Variants in ZNF568 observed in about 807,000 individuals in gnomAD.
ZNF568 encodes the protein zinc finger protein 568.
Under a neutral mutation model 18.1 loss-of-function variants are expected in ZNF568, and 11 were observed. The ratio of observed to expected loss-of-function variants is 0.61; its 90% CI spans 0.38 to 1.00. ZNF568 has a LOEUF of 1.00. Among genes scored for constraint, ZNF568 ranks in the 50% least tolerant of loss-of-function variants. The probability of loss-of-function intolerance (pLI) is 0.01; values close to 1 mark genes in which losing one functional copy is unlikely to be tolerated. For synonymous variants in ZNF568, 213 were observed against 246.6 expected (o/e 0.86, Z 1.28); for missense variants, 639 against 768.2 (o/e 0.83, Z 1.99).
At chr19:36,991,327 C>T in intron 3 of ZNF568, 2 of 1,501,354 alleles carry the variant, frequency 1.3e-6, no homozygotes, top group Non-Finnish European at 1.8e-6. Context: ...TCCGTACACC[C>T]CCTGCCCCGC....
chr19:36,925,490 C>G (rs1258269218), intron 4 of ZNF568, among the ~76,000 whole-genome samples: 1 of 152,054 alleles, frequency 6.6e-6, no homozygotes, highest in African/African-American at 2.4e-5. Context: ...ACAGTCAAAG[C>G]AAACTGGGAC....
intron 6 of ZNF568, among the ~76,000 whole-genome samples, chr19:36,946,980 A>C (rs2073977392): frequency 6.6e-6 from 1 of 150,548 alleles, no homozygotes; most frequent in Non-Finnish European, 1.5e-5. Context: ...ATACTGTAGA[A>C]TGGTTGGATC....
intron 6 of ZNF568, among the ~76,000 whole-genome samples, chr19:36,948,395 G>A (rs1455486579): frequency 9.2e-5 from 14 of 152,158 alleles, no homozygotes; most frequent in Admixed American, 9.2e-4. Context: ...TCCAAGTGTT[G>A]GCAATTAGGA....
At chr19:36,981,187 C>T (rs960358586), downstream of ZNF568, among the ~76,000 whole-genome samples, 8 of 152,112 alleles carry the variant, frequency 5.3e-5, no homozygotes, top group African/African-American at 1.2e-4. Flanking sequence ...CTAATCTGTC[C>T]GTCCGTTTGT....
At chr19:36,947,078 C>T (rs751374623) in intron 6 of ZNF568, among the ~76,000 whole-genome samples, 15 of 151,624 alleles carry the variant, frequency 9.9e-5, no homozygotes, top group Non-Finnish European at 1.6e-4. Context: ...TGCAGCGGCA[C>T]GATCTCGGCT....
At chr19:36,979,306 T>TA (rs1253897757) in exon 8 of ZNF568, 1 of 158,028 alleles carries the variant, frequency 6.3e-6, no homozygotes, top group Admixed American at 6.3e-5. Flanking sequence ...TTAAAACTGC[T>TA]TTTTATTAAA....
chr19:36,965,514 G>A (rs759938161), intron 6 of ZNF568, among the ~76,000 whole-genome samples: 4 of 152,022 alleles, frequency 2.6e-5, no homozygotes, highest in Admixed American at 2.0e-4. Flanking sequence ...ATAGAAGGCC[G>A]AATACACTGG....
chr19:36,936,970 T>A (rs2073800789), intron 5 of ZNF568, 98 bp downstream of exon 5: 1 of 1,490,080 alleles, frequency 6.7e-7, no homozygotes, highest in Admixed American at 1.8e-5. Flanking sequence ...TAGCCTTTCC[T>A]TTCTCCATGT....
At chr19:36,971,642 G>T (rs879355095) in intron 6 of ZNF568, among the ~76,000 whole-genome samples, 5 of 151,812 alleles carry the variant, frequency 3.3e-5, no homozygotes, top group Non-Finnish European at 7.4e-5. Context: ...TCGCTCTATC[G>T]CCAGGCTGGA....
chr19:36,932,889 TTGATTA>T (rs1329407882), intron 4 of ZNF568, among the ~76,000 whole-genome samples: 1 of 152,210 alleles, frequency 6.6e-6, no homozygotes, highest in Non-Finnish European at 1.5e-5. Context: ...GGTTTGTCTT[TTGATTA>T]TTGAACTTTT....
At chr19:36,966,221 G>A (rs895746697) in intron 6 of ZNF568, among the ~76,000 whole-genome samples, 3 of 152,084 alleles carry the variant, frequency 2.0e-5, no homozygotes, top group Non-Finnish European at 4.4e-5. Flanking sequence ...GGGAGGTGGA[G>A]GTTGCGGTGA....
At chr19:36,972,818 C>T (rs57080651) in intron 6 of ZNF568, among the ~76,000 whole-genome samples, 2,000 of 152,326 alleles carry the variant, frequency 0.013, 47 homozygotes, top group African/African-American at 0.045. Context: ...AAACCCCACT[C>T]CCTGACCCTC....
chr19:36,949,892 G>A lies in ZNF568; in HGVS notation c.739G>A (p.Glu247Lys). The change falls in exon 7 of 7, where the codon GAG (glutamate) becomes AAG (lysine). Residue 247 changes from glutamate (E) to lysine (K), a missense_variant. Physicochemically the swap from Glu to Lys is moderately conservative, Grantham distance 56 (BLOSUM62 1). Coordinates refer to ENST00000333987, the MANE Select transcript of ZNF568 (RefSeq NM_198539.4). ...LIRHERIHAG[E>K]KPYECKECGK... ...TAGACATGAGCGAATTCATGCTGGA[G>A]AGAAACCTTACGAATGTAAAGAATG... 1 of 1,613,912 alleles carries A rather than the reference G, an allele frequency of 6.2e-7. No individual in the cohort carries two copies. The highest frequency in any genetic ancestry group is 8.5e-7 in the Non-Finnish European group (1 of 1,179,912).
chr19:36,920,314 C>T (rs2073430644), intron 2 of ZNF568, among the ~76,000 whole-genome samples: 1 of 152,078 alleles, frequency 6.6e-6, no homozygotes, highest in African/African-American at 2.4e-5. Flanking sequence ...CTACAAGAGT[C>T]AAAAAGTTTT....
At chr19:36,982,933 A>G (rs190469301), downstream of ZNF568, among the ~76,000 whole-genome samples, 135 of 152,308 alleles carry the variant, frequency 8.9e-4, no homozygotes, top group African/African-American at 3.0e-3. Flanking sequence ...AGTAATTTCA[A>G]TTCTTCATAA....
At chr19:36,933,420 G>GTTGT (rs60493053) in intron 4 of ZNF568, among the ~76,000 whole-genome samples, 86,923 of 151,070 alleles carry the variant, frequency 0.58, 25,731 homozygotes, top group African/African-American at 0.7. Flanking sequence ...TTTGGTTGTT[G>GTTGT]TTGTTTGTTT....
chr19:36,940,094 A>G (rs2073856003), intron 6 of ZNF568, among the ~76,000 whole-genome samples: 4 of 152,174 alleles, frequency 2.6e-5, no homozygotes, highest in Admixed American at 2.6e-4. Context: ...CTCACTGGAC[A>G]TCACCCAAAG....
chr19:36,974,315 G>T, intron 6 of ZNF568: 2 of 912,634 alleles, frequency 2.2e-6, no homozygotes, highest in South Asian at 1.6e-5. Flanking sequence ...CAGCTTCTTT[G>T]GTCTCCCTTT....
chr19:36,947,922 C>T (rs1373109926), intron 6 of ZNF568, among the ~76,000 whole-genome samples: 1 of 152,226 alleles, frequency 6.6e-6, no homozygotes, highest in Admixed American at 6.5e-5. Context: ...CCACTGTCAA[C>T]ATCTTGCACC....
Sources: allele counts gnomAD v4.1 joint callset (sites outside exome capture counted in the v4.1 genomes callset), GRCh38; gene constraint gnomAD v4.1.1; transcripts MANE v1.5; gene names NCBI Gene and HGNC (gene_info 2026-07-23, HGNC 2026-07-21).